ADAMTS17: variants seen among roughly 807,000 people sequenced by gnomAD.
ADAMTS17 encodes the protein ADAM metallopeptidase with thrombospondin type 1 motif 17, also known as A disintegrin and metalloproteinase with thrombospondin motifs 17.
A neutral mutation model predicts 141.5 loss-of-function variants in ADAMTS17; 113 were observed. That is an observed-to-expected ratio of 0.80 (90% CI 0.69 to 0.93). The LOEUF (loss-of-function observed/expected upper bound fraction) is 0.93. Ranked by LOEUF, ADAMTS17 falls within the 40% of genes least tolerant of loss-of-function variation. The probability of loss-of-function intolerance (pLI) is 0.00; values close to 1 mark genes in which losing one functional copy is unlikely to be tolerated. For missense variants in ADAMTS17, 1,659 were observed against 1,517.9 expected, an observed-to-expected ratio of 1.09 and a Z score of -1.54; for synonymous variants, 768 against 630.6, an observed-to-expected ratio of 1.22 and a Z score of -3.27.
chr15:100,292,431 C>T (rs779228602), intron 3 of ADAMTS17, among the ~76,000 whole-genome samples: 15 of 140,672 alleles, frequency 1.1e-4, no homozygotes, highest in East Asian at 8.9e-4. Flanking sequence ...ACACTCACCC[C>T]GTGTTAGAGA....
chr15:100,260,788 TA>T (rs1034941152), intron 6 of ADAMTS17, among the ~76,000 whole-genome samples: 1 of 152,102 alleles, frequency 6.6e-6, no homozygotes, highest in Admixed American at 6.5e-5. Flanking sequence ...TTCTTTAAAT[TA>T]AAAAAAGTCA....
intron 8 of ADAMTS17, among the ~76,000 whole-genome samples, chr15:100,164,798 G>A (rs2039882357): frequency 6.6e-6 from 1 of 152,156 alleles, no homozygotes; most frequent in Admixed American, 6.5e-5. Context: ...GTGGTTTAGG[G>A]ACTGTGGTAA....
intron 19 of ADAMTS17, among the ~76,000 whole-genome samples, chr15:99,996,657 A>C (rs2060808415): frequency 6.6e-6 from 1 of 152,242 alleles, no homozygotes; most frequent in African/African-American, 2.4e-5. Flanking sequence ...CTGTTTGGCA[A>C]TAGAGGGAAC....
chr15:100,152,808 G>C (rs544701245), intron 9 of ADAMTS17, 46 bp from the exon 10 acceptor site: 1 of 1,595,020 alleles, frequency 6.3e-7, no homozygotes, highest in Non-Finnish European at 8.5e-7. Flanking sequence ...TACTGCCTAG[G>C]TTTTTTTGTT....
rs141555277 is a variant in ADAMTS17 at position 100,143,722 on chromosome 15, T to C, written c.1473+8890A>G. On this transcript the variant is annotated intron_variant, in intron 10 of 21. Coordinates refer to ENST00000268070, the MANE Select transcript of ADAMTS17 (RefSeq NM_139057.4). ...GCCTCCAGAGTCCTAAGAATTAATA[T>C]GGACTGTATTTTAATTTTTCTCAGT... Among the ~76,000 whole-genome samples, 1,200 of 152,344 alleles carry C rather than the reference T, an allele frequency of 7.9e-3. 12 individuals carry two copies. The highest frequency in any genetic ancestry group is 0.026 in the African/African-American group (1,097 of 41,570).
At chr15:100,066,608 T>C (rs954460713) in intron 15 of ADAMTS17, among the ~76,000 whole-genome samples, 1 of 152,214 alleles carries the variant, frequency 6.6e-6, no homozygotes, top group African/African-American at 2.4e-5. Flanking sequence ...CTTTGAGAAA[T>C]GGTGTTCTTG....
intron 18 of ADAMTS17, among the ~76,000 whole-genome samples, chr15:100,045,947 C>A (rs2031647975): frequency 6.6e-6 from 1 of 152,182 alleles, no homozygotes; most frequent in South Asian, 2.1e-4. Context: ...GTGGTGTGAT[C>A]TCAGCTCACT....
Position 99,997,637 on chromosome 15 carries a change from GC to G in ADAMTS17, c.2592-49del. 6.2e-7 allele frequency: 1 copy of G among 1,609,136 alleles called. No homozygotes were observed. The highest frequency in any genetic ancestry group is 8.5e-7 in the Non-Finnish European group (1 of 1,178,144). ...GAGAGAACGACTGGGTGAGAGGCCAGCCTCTCCGGAGGGCCTTCCGGCCGGA... is the reference window on the plus strand; with the variant it reads ...GAGAGAACGACTGGGTGAGAGGCCAGCTCTCCGGAGGGCCTTCCGGCCGGA... On this transcript the variant is annotated intron_variant, in intron 18 of 21. Coordinates refer to ENST00000268070, the MANE Select transcript of ADAMTS17 (RefSeq NM_139057.4). The surrounding 1 kb of genome is among the most constrained non-coding windows in gnomAD (Gnocchi z 4.7).
rs746678832 is a variant in ADAMTS17, at chr15:99,992,444, C to T, written c.2949+604G>A. Among the ~76,000 whole-genome samples the T allele has an allele frequency of 1.5e-4, 23 of 152,066 alleles. 1 individual carries two copies. The highest frequency in any genetic ancestry group is 2.5e-4 in the Non-Finnish European group (17 of 67,994). On this transcript the variant is annotated intron_variant, in intron 20 of 21. Coordinates refer to ENST00000268070, the MANE Select transcript of ADAMTS17 (RefSeq NM_139057.4). ...GTGGCAGTGGGGCTCACCTTGGTCC[C>T]CAGAAAACAGGAATCATTCAAATAT...
chr15:100,132,033 G>T lies in ADAMTS17; in HGVS notation c.1695C>A (p.Phe565Leu). 2 of 1,614,198 alleles carry T rather than the reference G, an allele frequency of 1.2e-6. No homozygotes were observed. The highest frequency in any genetic ancestry group is 1.7e-6 in the Non-Finnish European group (2 of 1,180,036). Residue 565 changes from phenylalanine to leucine, a missense_variant, in exon 12 of 22, where the codon TTC (phenylalanine) becomes TTA (leucine). By Grantham distance (22) the Phe-to-Leu change is conservative (BLOSUM62 0). Transcript: ENST00000268070. ...GGGGGTTGTCACATTTCCTCTGCCT[G>T]AAGCGGGCTCCCGTCCCACATGTTC... ...CSRTCGTGAR[F>L]RQRKCDNPPP...
chr15:100,240,545 CT>C (rs2042799442), intron 7 of ADAMTS17, among the ~76,000 whole-genome samples: 1 of 152,198 alleles, frequency 6.6e-6, no homozygotes, highest in South Asian at 2.1e-4. Context: ...AAGTTAATCA[CT>C]GGAGAGAACC....
At chr15:100,325,922 A>C (rs1051395382) in intron 3 of ADAMTS17, among the ~76,000 whole-genome samples, 10 of 152,194 alleles carry the variant, frequency 6.6e-5, no homozygotes, top group African/African-American at 2.4e-5. Flanking sequence ...CCTCAGAAGG[A>C]ACCAACCCTG....
rs557119744 is a variant in ADAMTS17 at position 100,020,473 on chromosome 15, C to T, written c.2592-22884G>A. On this transcript the variant is annotated intron_variant, in intron 18 of 21. Transcript: ENST00000268070. The stretch of plus-strand genomic sequence containing the variant: ...GCAGCTTTACGAGCAAGGGAATTCA[C>T]AGCTCTGCCTGAATCCCCACCCACA... Among the ~76,000 whole-genome samples, 22 of 152,254 alleles carry T rather than the reference C, an allele frequency of 1.4e-4. No homozygotes were observed. The South Asian group carries it at 3.5e-3, about 24-fold the overall frequency.
At chr15:100,050,050 T>C (rs1252747161) in intron 17 of ADAMTS17, among the ~76,000 whole-genome samples, 1 of 152,224 alleles carries the variant, frequency 6.6e-6, no homozygotes, top group East Asian at 1.9e-4. Context: ...GTCTGTGTCC[T>C]GGGCAATTTG....
At chr15:100,265,780 A>G (rs2043692693) in intron 4 of ADAMTS17, among the ~76,000 whole-genome samples, 1 of 152,214 alleles carries the variant, frequency 6.6e-6, no homozygotes, top group African/African-American at 2.4e-5. Context: ...GGAGAAAGCT[A>G]TGCTCTGTAG....
At chr15:100,096,203 T>G (rs2035746210) in intron 15 of ADAMTS17, among the ~76,000 whole-genome samples, 153 bp downstream of exon 15, 1 of 152,204 alleles carries the variant, frequency 6.6e-6, no homozygotes, top group Non-Finnish European at 1.5e-5. Flanking sequence ...AAATGTCCTT[T>G]CTTGCTTTTC....
intron 18 of ADAMTS17, among the ~76,000 whole-genome samples, chr15:100,015,002 T>C (rs2061259348): frequency 1.3e-5 from 2 of 152,240 alleles, no homozygotes; most frequent in African/African-American, 4.8e-5. Context: ...CTATCTCATT[T>C]CTTAGGTCTA....
At chr15:100,190,806 T>C (rs952794934) in intron 8 of ADAMTS17, among the ~76,000 whole-genome samples, 1 of 152,174 alleles carries the variant, frequency 6.6e-6, no homozygotes, top group African/African-American at 2.4e-5. Flanking sequence ...GCCAAAGGTG[T>C]CTTTTCAAGT....
At chr15:100,332,298 C>T (rs780136245) in intron 2 of ADAMTS17, among the ~76,000 whole-genome samples, 3 of 152,222 alleles carry the variant, frequency 2.0e-5, no homozygotes, top group South Asian at 2.1e-4. Context: ...AAATGGAAGA[C>T]GGTGGCCACA....
Sources: allele counts gnomAD v4.1 joint callset (sites outside exome capture counted in the v4.1 genomes callset), GRCh38; gene constraint gnomAD v4.1.1; non-coding constraint Gnocchi (gnomAD v3.1); transcripts MANE v1.5; gene names NCBI Gene and HGNC (gene_info 2026-07-23, HGNC 2026-07-21).